ESR1: variants seen among roughly 807,000 people sequenced by gnomAD.
ESR1 encodes estrogen receptor.
A neutral mutation model predicts 52.7 loss-of-function variants in ESR1; 12 were observed. That is an observed-to-expected ratio of 0.23 (90% CI 0.15 to 0.37). The LOEUF (loss-of-function observed/expected upper bound fraction) is 0.37. Among genes scored for constraint, ESR1 ranks in the 10% least tolerant of loss-of-function variants. The pLI is 1.00. For missense variants in ESR1, 584 were observed against 779.7 expected (o/e 0.75, Z 2.99); for synonymous variants, 305 against 316.8 (o/e 0.96, Z 0.39).
At chr6:151,681,044 C>G (rs921932450) in intron 1 of ESR1, among the ~76,000 whole-genome samples, 1 of 152,140 alleles carries the variant, frequency 6.6e-6, no homozygotes, top group Non-Finnish European at 1.5e-5. Context: ...CAGAGCCCTG[C>G]CAGCTGCCTG....
chr6:151,694,177 C>T (rs749601727), intron 1 of ESR1, among the ~76,000 whole-genome samples: 1 of 152,152 alleles, frequency 6.6e-6, no homozygotes, highest in Admixed American at 6.5e-5. Context: ...GTAACATGCC[C>T]AATATTACAC....
chr6:152,093,347 T>C (rs2050347791), intron 6 of ESR1, among the ~76,000 whole-genome samples: 1 of 140,572 alleles, frequency 7.1e-6, no homozygotes, highest in Non-Finnish European at 1.5e-5. Context: ...TCTCTCTCTC[T>C]CTCTCTTTCT....
chr6:151,912,467 A>T (rs1044718293), intron 3 of ESR1, among the ~76,000 whole-genome samples: 1 of 152,214 alleles, frequency 6.6e-6, no homozygotes, highest in Non-Finnish European at 1.5e-5. Context: ...TCTCCTTTGC[A>T]ATCCATATTG....
At chr6:151,856,650 G>T (rs965200065) in intron 2 of ESR1, among the ~76,000 whole-genome samples, 3 of 152,096 alleles carry the variant, frequency 2.0e-5, no homozygotes, top group African/African-American at 7.2e-5. Flanking sequence ...TTTTTCTTAA[G>T]GTTGGTACTA....
At chr6:152,048,347 G>C (rs1344335644) in intron 5 of ESR1, among the ~76,000 whole-genome samples, 1 of 136,298 alleles carries the variant, frequency 7.3e-6, no homozygotes, top group South Asian at 2.5e-4. Context: ...TGGAGACAAA[G>C]TGTGACACCA....
chr6:152,019,827 G>C (rs2043475736), intron 5 of ESR1, among the ~76,000 whole-genome samples: 1 of 152,130 alleles, frequency 6.6e-6, no homozygotes, highest in Non-Finnish European at 1.5e-5. Flanking sequence ...CTAAAATCCA[G>C]TTTTAAGAGG....
upstream of ESR1, among the ~76,000 whole-genome samples, chr6:151,802,834 C>CA (rs1005835331): frequency 2.0e-5 from 3 of 151,836 alleles, no homozygotes; most frequent in African/African-American, 7.3e-5. Context: ...ACTAAACATA[C>CA]AAAAAAATTA....
chr6:151,738,344 C>T (rs1242971747), intron 2 of ESR1, among the ~76,000 whole-genome samples: 1 of 152,098 alleles, frequency 6.6e-6, no homozygotes, highest in African/African-American at 2.4e-5. Context: ...AATATCTCTT[C>T]GAGACCCTGC....
chr6:151,703,346 G>A (rs112640973), intron 2 of ESR1, among the ~76,000 whole-genome samples: 3 of 152,282 alleles, frequency 2.0e-5, no homozygotes, highest in African/African-American at 7.2e-5. Flanking sequence ...TCTGAGGCTG[G>A]AGGTGCATGT....
upstream of ESR1, among the ~76,000 whole-genome samples, chr6:151,686,944 A>G (rs115931785): frequency 0.011 from 1,694 of 152,200 alleles, 35 homozygotes; most frequent in African/African-American, 0.038. Context: ...AGAGCCCCCT[A>G]TGTGTTATCT....
rs2128526913 is a variant in ESR1 at position 151,944,257 on chromosome 6, C to T, written c.845C>T (p.Ser282Phe). Reference sequence around the variant, plus strand: ...GGGGAGGGCAGGGGTGAAGTGGGGTCTGCTGGAGACATGAGAGCTGCCAAC... The same window carrying T: ...GGGGAGGGCAGGGGTGAAGTGGGGTTTGCTGGAGACATGAGAGCTGCCAAC... ...DDGEGRGEVG[S>F]AGDMRAANLW... The change falls in exon 4 of 8, where the codon TCT becomes TTT. Residue 282 changes from serine to phenylalanine, a missense_variant. Around this residue, in one of 6 missense-constraint regions of ESR1, gnomAD observed 88 missense variants for 88.3 expected, o/e 1.00. Coordinates refer to ENST00000206249, the MANE Select transcript of ESR1 (RefSeq NM_000125.4). 6.2e-7 allele frequency: 1 copy of T among 1,614,058 alleles called. No homozygotes were observed. Among genetic ancestry groups the T allele is most frequent in the Non-Finnish European group, 8.5e-7 (1 of 1,180,008 alleles).
chr6:151,894,278 C>T (rs775903900), intron 3 of ESR1, among the ~76,000 whole-genome samples: 2 of 151,412 alleles, frequency 1.3e-5, no homozygotes, highest in Admixed American at 1.3e-4. Flanking sequence ...GTTTGAGTTC[C>T]TTGTAGATTC....
At chr6:151,829,080 A>G (rs1419427121) in intron 1 of ESR1, among the ~76,000 whole-genome samples, 2 of 152,248 alleles carry the variant, frequency 1.3e-5, no homozygotes, top group Non-Finnish European at 2.9e-5. Flanking sequence ...CGGCCTTGCC[A>G]CTGTTGAAGT....
At chr6:151,781,387 C>A (rs1402952074) in intron 2 of ESR1, among the ~76,000 whole-genome samples, 3 of 152,214 alleles carry the variant, frequency 2.0e-5, no homozygotes, top group African/African-American at 7.2e-5. Context: ...TGGCATGAAT[C>A]CCATCCATGA....
intron 4 of ESR1, among the ~76,000 whole-genome samples, chr6:151,975,214 T>G (rs1322471953): frequency 6.6e-6 from 1 of 152,208 alleles, no homozygotes; most frequent in Non-Finnish European, 1.5e-5. Flanking sequence ...AAGGATGGAA[T>G]GCCATGCATC....
At chr6:151,928,368 C>A (rs895189476) in intron 3 of ESR1, among the ~76,000 whole-genome samples, 1 of 152,132 alleles carries the variant, frequency 6.6e-6, no homozygotes, top group Admixed American at 6.5e-5. Flanking sequence ...TGGTTTACCC[C>A]GATGATCACA....
At chr6:151,941,371 T>A (rs2035037195) in intron 3 of ESR1, among the ~76,000 whole-genome samples, 1 of 152,166 alleles carries the variant, frequency 6.6e-6, no homozygotes, top group Non-Finnish European at 1.5e-5. Flanking sequence ...TGACTAATAC[T>A]GAAGAACCAG....
At chr6:151,704,854 G>T (rs1780061830) in intron 2 of ESR1, among the ~76,000 whole-genome samples, 1 of 151,942 alleles carries the variant, frequency 6.6e-6, no homozygotes, top group Admixed American at 6.6e-5. Flanking sequence ...GATATGACAG[G>T]ACATGAACTT....
At chr6:152,124,930 G>C (rs2052828949) in intron 6 of ESR1, among the ~76,000 whole-genome samples, 1 of 152,128 alleles carries the variant, frequency 6.6e-6, no homozygotes, top group Non-Finnish European at 1.5e-5. Flanking sequence ...TTTATGTTGG[G>C]TTCTGTCATT....
Sources: gnomAD v4.1 joint callset for allele counts (sites outside exome capture counted in the v4.1 genomes callset) on GRCh38, gnomAD v4.1.1 for gene constraint, gnomAD v4.1.1 regional missense constraint, MANE v1.5 for transcripts, NCBI Gene and HGNC (gene_info 2026-07-23, HGNC 2026-07-21) for gene names.